MMS22L: variants seen among roughly 807,000 people sequenced by gnomAD.
The protein encoded by MMS22L is protein MMS22-like.
A neutral mutation model predicts 159.1 loss-of-function variants in MMS22L; 74 were observed. The observed-to-expected ratio is 0.47, with a 90% CI of 0.39 to 0.56. The LOEUF (loss-of-function observed/expected upper bound fraction) is 0.56. Among genes scored for constraint, MMS22L ranks in the 20% least tolerant of loss-of-function variants. The pLI, the probability that MMS22L is intolerant of heterozygous loss-of-function variation, is 0.00. For synonymous variants in MMS22L, 517 were observed against 506.9 expected, an observed-to-expected ratio of 1.02 and a Z score of -0.27; for missense variants, 1,351 against 1,422.1, an observed-to-expected ratio of 0.95 and a Z score of 0.80.
At chr6:97,267,539 G>A in intron 8 of MMS22L, 1 of 158,014 alleles carries the variant, frequency 6.3e-6, no homozygotes, top group Non-Finnish European at 1.4e-5. Context: ...CATTATTAAA[G>A]AGCTGGCCTC....
intron 22 of MMS22L, among the ~76,000 whole-genome samples, chr6:97,155,913 T>A (rs1427407115): frequency 6.6e-6 from 1 of 152,180 alleles, no homozygotes; most frequent in Non-Finnish European, 1.5e-5. Flanking sequence ...TGCCACACTG[T>A]CTTCCACAAT....
chr6:97,234,113 C>T, intron 11 of MMS22L, 133 bp from the exon 12 acceptor site: 1 of 899,394 alleles, frequency 1.1e-6, no homozygotes, highest in Non-Finnish European at 1.6e-6. Flanking sequence ...TACCCATTCT[C>T]ATATGCAGAC....
At chr6:97,225,381 T>C (rs1011139091) in intron 14 of MMS22L, among the ~76,000 whole-genome samples, 1 of 152,048 alleles carries the variant, frequency 6.6e-6, no homozygotes, top group African/African-American at 2.4e-5. Context: ...ACCTTTTTTT[T>C]TTTCTTTTTG....
intron 16 of MMS22L, among the ~76,000 whole-genome samples, chr6:97,180,834 A>G (rs550855436): frequency 2.0e-5 from 3 of 152,204 alleles, no homozygotes; most frequent in Non-Finnish European, 4.4e-5. Flanking sequence ...TGAAAGCCCA[A>G]TGAAAAAATG....
At chr6:97,261,421 G>T (rs1158866843) in intron 9 of MMS22L, 3 of 152,314 alleles carry the variant, frequency 2.0e-5, no homozygotes, top group Admixed American at 2.0e-4. Context: ...TGAAGATGAG[G>T]ATGAAGACCT....
chr6:97,155,392 C>A (rs894181378), intron 22 of MMS22L, among the ~76,000 whole-genome samples: 2 of 152,094 alleles, frequency 1.3e-5, no homozygotes, highest in Non-Finnish European at 2.9e-5. Flanking sequence ...TATACATGTG[C>A]CATGTTGGTT....
At chr6:97,182,984 T>C (rs1427241381) in intron 15 of MMS22L, among the ~76,000 whole-genome samples, 3 of 152,302 alleles carry the variant, frequency 2.0e-5, no homozygotes, top group Non-Finnish European at 4.4e-5. Flanking sequence ...TCCAGTGTCA[T>C]GGACTCTTGA....
intron 12 of MMS22L, among the ~76,000 whole-genome samples, chr6:97,232,009 G>GTATAAAATT (rs1215118685): frequency 3.9e-5 from 6 of 152,076 alleles, no homozygotes; most frequent in Non-Finnish European, 7.4e-5. Flanking sequence ...GTCATTGGTT[G>GTATAAAATT]TATAAAATTT....
At chr6:97,269,829 T>C in intron 7 of MMS22L, 73 bp downstream of exon 7, 1 of 1,085,048 alleles carries the variant, frequency 9.2e-7, no homozygotes, top group Non-Finnish European at 1.3e-6. Context: ...AAAGCACTTA[T>C]TACTTATGTA....
At chr6:97,221,572 A>G (rs1431439319) in intron 14 of MMS22L, among the ~76,000 whole-genome samples, 4 of 152,068 alleles carry the variant, frequency 2.6e-5, no homozygotes, top group African/African-American at 9.6e-5. Flanking sequence ...AAAAATATTT[A>G]ACTAGGAAAA....
At chr6:97,147,590 C>G (rs1800979123) in intron 24 of MMS22L, among the ~76,000 whole-genome samples, 1 of 152,152 alleles carries the variant, frequency 6.6e-6, no homozygotes, top group Non-Finnish European at 1.5e-5. Context: ...AGTTTTTTCA[C>G]TCAAATTTGA....
chr6:97,189,579 A>G (rs13204895), intron 14 of MMS22L, among the ~76,000 whole-genome samples: 2 of 113,260 alleles, frequency 1.8e-5, no homozygotes, highest in Non-Finnish European at 3.7e-5. Context: ...AAAAAAAAAA[A>G]GAATAATTAA....
intron 4 of MMS22L, 145 bp from the exon 5 acceptor site, chr6:97,273,207 A>G (rs1815929367): frequency 1.5e-6 from 1 of 660,730 alleles, no homozygotes. Context: ...GCTCCCCGCT[A>G]CTCCTCAAAA....
At chr6:97,282,285 G>A (rs1816824016) in intron 2 of MMS22L, 29 bp downstream of exon 2, 8 of 1,606,366 alleles carry the variant, frequency 5.0e-6, no homozygotes, top group Non-Finnish European at 6.0e-6. Context: ...ATAATCAGAT[G>A]AGGGAAAATG....
At chr6:97,227,544 T>A (rs2127992742) in intron 14 of MMS22L, among the ~76,000 whole-genome samples, 1 of 152,342 alleles carries the variant, frequency 6.6e-6, no homozygotes, top group African/African-American at 2.4e-5. Context: ...TAAAACAAAG[T>A]TGGCATTTGG....
intron 10 of MMS22L, among the ~76,000 whole-genome samples, 197 bp from the exon 11 acceptor site, chr6:97,246,887 A>G (rs1462202441): frequency 2.0e-5 from 3 of 152,160 alleles, no homozygotes; most frequent in African/African-American, 7.2e-5. Flanking sequence ...ATTCCAATCC[A>G]ATACAAACCA....
At chr6:97,268,862 T>C (rs948409636) in intron 7 of MMS22L, among the ~76,000 whole-genome samples, 4 of 152,034 alleles carry the variant, frequency 2.6e-5, no homozygotes, top group Non-Finnish European at 5.9e-5. Flanking sequence ...TATGAATATA[T>C]GTAAGTATAT....
intron 14 of MMS22L, among the ~76,000 whole-genome samples, chr6:97,193,829 C>T (rs776830117): frequency 6.6e-5 from 10 of 152,094 alleles, no homozygotes; most frequent in African/African-American, 1.2e-4. Context: ...GGCAAGATCT[C>T]GGCTCACTGC....
chr6:97,226,642 A>G (rs1234252323), intron 14 of MMS22L, among the ~76,000 whole-genome samples: 1 of 145,866 alleles, frequency 6.9e-6, no homozygotes, highest in African/African-American at 2.8e-5. Flanking sequence ...TATATCCTAT[A>G]CATTCTTTAT....
Sources: allele counts gnomAD v4.1 joint callset (sites outside exome capture counted in the v4.1 genomes callset), GRCh38; gene constraint gnomAD v4.1.1; transcripts MANE v1.5; gene names NCBI Gene and HGNC (gene_info 2026-07-23, HGNC 2026-07-21).